RSRC1: variants seen among roughly 807,000 people sequenced by gnomAD.
RSRC1 encodes the protein serine/Arginine-related protein 53.
RSRC1 carries 39 observed loss-of-function variants against 49.1 expected under a neutral mutation model. The ratio of observed to expected loss-of-function variants is 0.79; its 90% CI spans 0.61 to 1.04. The LOEUF (loss-of-function observed/expected upper bound fraction) is 1.04. RSRC1 is among the 50% of genes least tolerant of loss of function. The pLI is 0.00. For missense variants in RSRC1, 388 were observed against 402.4 expected (o/e 0.96, Z 0.31); for synonymous variants, 143 against 130.8 (o/e 1.09, Z -0.63).
rs74756262 is a variant in RSRC1 at position 158,400,354 on chromosome 3, G to A, written c.583+45446G>A. Among the ~76,000 whole-genome samples, 25 of 152,118 alleles carry A rather than the reference G, an allele frequency of 1.6e-4. 1 individual carries two copies. In the East Asian group the frequency reaches 4.8e-3, roughly 29 times the overall value. ...ATAATACTTGATACTGATAATAAAT[G>A]TTACTGGTTTATGTATTTACTGTAT... On this transcript the variant is annotated intron_variant, in intron 6 of 9. Coordinates refer to ENST00000611884, the MANE Select transcript of RSRC1 (RefSeq NM_001271838.2).
intron 4 of RSRC1, among the ~76,000 whole-genome samples, chr3:158,221,179 C>T (rs1722204151): frequency 6.6e-6 from 1 of 151,510 alleles, no homozygotes; most frequent in East Asian, 1.9e-4. Context: ...GAAAACAAAA[C>T]ACTAGTAAGA....
intron 6 of RSRC1, among the ~76,000 whole-genome samples, chr3:158,427,645 G>A (rs1735523109): frequency 6.6e-6 from 1 of 151,706 alleles, no homozygotes; most frequent in South Asian, 2.1e-4. Flanking sequence ...GAAATTTAGT[G>A]TATATGAATT....
At chr3:158,152,007 ATC>A (rs922002193) in intron 3 of RSRC1, among the ~76,000 whole-genome samples, 1 of 152,064 alleles carries the variant, frequency 6.6e-6, no homozygotes, top group Non-Finnish European at 1.5e-5. Context: ...GAGGTATTAA[ATC>A]TCTGTCTAGT....
At chr3:158,199,387 G>A (rs1466824468) in intron 3 of RSRC1, among the ~76,000 whole-genome samples, 1 of 151,802 alleles carries the variant, frequency 6.6e-6, no homozygotes, top group Non-Finnish European at 1.5e-5. Flanking sequence ...TTTATTCTTT[G>A]GTAATTTGTA....
intron 5 of RSRC1, among the ~76,000 whole-genome samples, chr3:158,324,918 G>A (rs747174969): frequency 3.3e-5 from 5 of 152,050 alleles, no homozygotes; most frequent in Non-Finnish European, 7.4e-5. Context: ...TTTAATGATC[G>A]CCATTGTAAC....
intron 5 of RSRC1, among the ~76,000 whole-genome samples, chr3:158,299,246 A>C (rs1559982523): frequency 6.6e-6 from 1 of 152,188 alleles, no homozygotes; most frequent in Admixed American, 6.5e-5. Flanking sequence ...ATCACATTCC[A>C]GTATCAGTTA....
At position 158,256,419 on chromosome 3, in the gene RSRC1, C is replaced by T. The variant is rs145346676; in HGVS notation, c.495-41620C>T. ...ATCCCAGAGATGAAGCCTACTTGAT[C>T]GTGGTGGAAAAGCTTTTTGATGTGC... On this transcript the variant is annotated intron_variant, in intron 4 of 9. Transcript: ENST00000611884. 5.6e-3 allele frequency among the ~76,000 whole-genome samples: 856 copies of T among 152,192 alleles called. 9 individuals carry two copies. The highest frequency in any genetic ancestry group is 0.02 in the African/African-American group (825 of 41,502).
intron 6 of RSRC1, among the ~76,000 whole-genome samples, chr3:158,418,650 C>T (rs1438694971): frequency 1.3e-5 from 2 of 151,824 alleles, no homozygotes; most frequent in South Asian, 2.1e-4. Context: ...AGGGATATAC[C>T]GGAATTTTTC....
chr3:158,514,903 G>T (rs1443850292), intron 7 of RSRC1, among the ~76,000 whole-genome samples: 3 of 151,912 alleles, frequency 2.0e-5, no homozygotes, highest in African/African-American at 4.8e-5. Context: ...ATCTTTGTTG[G>T]TTTAAAGTCT....
intron 6 of RSRC1, among the ~76,000 whole-genome samples, chr3:158,430,079 AATAAAAT>A (rs1735702419): frequency 7.0e-6 from 1 of 142,386 alleles, no homozygotes; most frequent in African/African-American, 3.0e-5. Flanking sequence ...ACACAAAAAA[AATAAAAT>A]AAAATAAAAT....
At chr3:158,451,821 C>T (rs1429391238) in intron 6 of RSRC1, among the ~76,000 whole-genome samples, 1 of 151,928 alleles carries the variant, frequency 6.6e-6, no homozygotes, top group African/African-American at 2.4e-5. Context: ...TTTAGGTGAG[C>T]TACTGTATTT....
At chr3:158,301,630 T>A (rs1446285655) in intron 5 of RSRC1, among the ~76,000 whole-genome samples, 1 of 152,200 alleles carries the variant, frequency 6.6e-6, no homozygotes, top group Non-Finnish European at 1.5e-5. Context: ...AGTTTTAGAA[T>A]TGCTACAAGC....
At chr3:158,192,600 A>G (rs935442531) in intron 3 of RSRC1, among the ~76,000 whole-genome samples, 4 of 152,074 alleles carry the variant, frequency 2.6e-5, no homozygotes, top group African/African-American at 9.7e-5. Flanking sequence ...CCGTTTTTCT[A>G]TAATGGTGAT....
chr3:158,167,337 C>G (rs556890818), intron 3 of RSRC1, among the ~76,000 whole-genome samples: 20 of 152,228 alleles, frequency 1.3e-4, no homozygotes, highest in African/African-American at 4.8e-4. Context: ...CAGGCACATG[C>G]ACACCACCAC....
chr3:158,196,207 G>T (rs1227467997), intron 3 of RSRC1, among the ~76,000 whole-genome samples: 3 of 151,704 alleles, frequency 2.0e-5, no homozygotes, highest in Non-Finnish European at 4.4e-5. Context: ...CCTTGAAGAG[G>T]TCCTTCACAT....
At chr3:158,367,562 A>T (rs757192531) in intron 6 of RSRC1, among the ~76,000 whole-genome samples, 1 of 152,124 alleles carries the variant, frequency 6.6e-6, no homozygotes. Flanking sequence ...GGATTTTTGC[A>T]TCAATGTTCA....
intron 6 of RSRC1, among the ~76,000 whole-genome samples, chr3:158,385,474 T>C (rs1354285128): frequency 6.6e-6 from 1 of 152,186 alleles, no homozygotes; most frequent in Non-Finnish European, 1.5e-5. Flanking sequence ...GTAACTTTGG[T>C]AGCAGTGAAG....
chr3:158,326,759 G>T (rs1179834030), intron 5 of RSRC1, among the ~76,000 whole-genome samples: 2 of 152,158 alleles, frequency 1.3e-5, no homozygotes, highest in African/African-American at 2.4e-5. Context: ...GAGTTAGGGA[G>T]GATTCCCTCT....
intron 6 of RSRC1, among the ~76,000 whole-genome samples, chr3:158,372,553 G>T (rs1022691491): frequency 6.6e-6 from 1 of 151,856 alleles, no homozygotes; most frequent in African/African-American, 2.4e-5. Context: ...CTGTAGTGCT[G>T]TATGGAGTCT....
Sources: gnomAD v4.1 joint callset for allele counts (sites outside exome capture counted in the v4.1 genomes callset) on GRCh38, gnomAD v4.1.1 for gene constraint, MANE v1.5 for transcripts, NCBI Gene and HGNC (gene_info 2026-07-23, HGNC 2026-07-21) for gene names.